SF3B3: variants seen among roughly 807,000 people sequenced by gnomAD.
SF3B3 encodes the protein splicing factor 3b subunit 3, also known as SAP 130.
A neutral mutation model predicts 139.2 loss-of-function variants in SF3B3; 33 were observed. The ratio of observed to expected loss-of-function variants is 0.24; its 90% CI spans 0.18 to 0.32. SF3B3 has a LOEUF of 0.32. Among genes scored for constraint, SF3B3 ranks in the 10% least tolerant of loss-of-function variants. The pLI is 1.00. For missense variants in SF3B3, 818 were observed against 1,509.4 expected (o/e 0.54, Z 7.59); for synonymous variants, 596 against 563.6 (o/e 1.06, Z -0.81).
rs1459379519 is a variant in SF3B3, at chr16:70,548,423, A to G, written c.1383A>G (p.Thr461=). The G allele has an allele frequency of 4.3e-6, 7 of 1,613,834 alleles. No individual in the cohort carries two copies. The Admixed American group carries it at 8.3e-5, about 19-fold the overall frequency. Reference sequence around the variant, plus strand: ...CTGGTAACCCCAACGCTGTCTGGACAGTGCGTCGACACATTGAAGGTAAGC... The same window carrying G: ...CTGGTAACCCCAACGCTGTCTGGACGGTGCGTCGACACATTGAAGGTAAGC... ...ELPGNPNAVW[T]VRRHIEDEFD... The change falls in exon 11 of 26, where the codon ACA becomes ACG. Residue 461 remains threonine, a synonymous_variant. Transcript: ENST00000302516.
rs9939550 is a variant in SF3B3 at position 70,528,488 on chromosome 16, T to A, written c.71-385T>A. On this transcript the variant is annotated intron_variant, in intron 2 of 25. Coordinates refer to ENST00000302516, the MANE Select transcript of SF3B3 (RefSeq NM_012426.5). ...CCTTTTTTTTTTTTTTTTTTTTTTT[T>A]AGAGACGATATCTTGCTGCGTTTCC... Among the ~76,000 whole-genome samples the A allele has an allele frequency of 5.3e-4, 63 of 118,716 alleles. 1 individual carries two copies. Among genetic ancestry groups the A allele is most frequent in the African/African-American group, 1.2e-3 (40 of 32,020 alleles). 77.9% of individuals were successfully genotyped at this position (118,716 alleles called of 152,430 possible). A position where few individuals can be genotyped will look rare whatever the true frequency, so the allele number is the denominator to read the frequency against.
chr16:70,538,977 C>T (rs2050194152), intron 7 of SF3B3, 127 bp from the exon 8 acceptor site: 2 of 703,758 alleles, frequency 2.8e-6, no homozygotes, highest in Non-Finnish European at 5.1e-6. Flanking sequence ...GGCCCATGAG[C>T]CGGAGTTTGT....
At chr16:70,534,015 C>G (rs553577451) in intron 5 of SF3B3, among the ~76,000 whole-genome samples, 4 of 152,270 alleles carry the variant, frequency 2.6e-5, no homozygotes, top group South Asian at 2.1e-4. Context: ...AAGATTGAGT[C>G]TGGTGGTGAA....
intron 4 of SF3B3, among the ~76,000 whole-genome samples, chr16:70,531,643 C>T (rs1197485753): frequency 6.6e-6 from 1 of 152,192 alleles, no homozygotes; most frequent in Non-Finnish European, 1.5e-5. Context: ...TACTGAAATT[C>T]TTTGGGATGC....
rs748902254 is a variant in SF3B3 at position 70,528,890 on chromosome 16, A to G, written c.88A>G (p.Ile30Val). 1 of 1,608,680 alleles carries G rather than the reference A, an allele frequency of 6.2e-7. No individual in the cohort carries two copies. The highest frequency in any genetic ancestry group is 1.1e-5 in the South Asian group (1 of 90,876). Residue 30 changes from isoleucine (I) to valine (V), a missense_variant, in exon 3 of 26, where the codon ATT (isoleucine) becomes GTT (valine). Coordinates refer to ENST00000302516, the MANE Select transcript of SF3B3 (RefSeq NM_012426.5). Reference protein sequence around the residue: ...GNFSGTKQQEIVVSRGKILEL... With the variant: ...GNFSGTKQQEVVVSRGKILEL... ...TGATCTAGGAACCAAACAACAAGAA[A>G]TTGTTGTTTCCCGTGGGAAGATCTT...
chr16:70,536,490 G>A (rs1288053066), intron 6 of SF3B3, among the ~76,000 whole-genome samples: 2 of 151,640 alleles, frequency 1.3e-5, no homozygotes, highest in Non-Finnish European at 1.5e-5. Flanking sequence ...TCAGCCTCTC[G>A]GGTAGCTGGG....
rs1418341422 is a variant in SF3B3 at position 70,532,509 on chromosome 16, G to A, written c.601G>A (p.Ala201Thr). The A allele has an allele frequency of 6.2e-7, 1 of 1,614,088 alleles. No homozygotes were observed. The highest frequency in any genetic ancestry group is 1.7e-5 in the Admixed American group (1 of 60,016). The change falls in exon 5 of 26, where the codon GCA becomes ACA. Residue 201 changes from alanine to threonine, a missense_variant. By Grantham distance (58) the Ala-to-Thr change is moderately conservative. Around this residue, in one of 14 missense-constraint regions of SF3B3, gnomAD observed 144 missense variants for 259.2 expected, o/e 0.56. Transcript: ENST00000302516. Reference sequence around the variant, plus strand: ...AGACAATGATCCAACAGGGGAAGCAGCAGCTAATACCCAGCAGACACTTAC... The same window carrying A: ...AGACAATGATCCAACAGGGGAAGCAACAGCTAATACCCAGCAGACACTTAC... ...EADNDPTGEA[A>T]ANTQQTLTFY...
At chr16:70,524,393 G>C (rs1463529390) in intron 1 of SF3B3, among the ~76,000 whole-genome samples, 1 of 152,210 alleles carries the variant, frequency 6.6e-6, no homozygotes, top group Non-Finnish European at 1.5e-5. Context: ...TCTCGTTTGC[G>C]TAATGGAGGA....
intron 9 of SF3B3, among the ~76,000 whole-genome samples, chr16:70,543,756 G>C (rs1203613112): frequency 6.6e-6 from 1 of 152,068 alleles, no homozygotes; most frequent in African/African-American, 2.4e-5. Context: ...AGTGTGTATA[G>C]CAGGGCTTCT....
chr16:70,526,770 A>G (rs768482428), intron 2 of SF3B3, 44 bp downstream of exon 2: 4 of 1,307,878 alleles, frequency 3.1e-6, no homozygotes, highest in South Asian at 2.4e-5. Flanking sequence ...AAGTGAATTA[A>G]TACATATCTT....
chr16:70,526,654 G>C lies in SF3B3; in HGVS notation c.-3G>C. 6.2e-7 allele frequency: 1 copy of C among 1,613,650 alleles called. No homozygotes were observed. Among genetic ancestry groups the C allele is most frequent in the Non-Finnish European group, 8.5e-7 (1 of 1,179,666 alleles). On this transcript the variant is annotated 5_prime_UTR_variant, in exon 2 of 26. Coordinates refer to ENST00000302516, the MANE Select transcript of SF3B3 (RefSeq NM_012426.5). ...GTCTGGGTGGCTCAGGTTTCCTGCA[G>C]CCATGTTTCTGTACAACTTAACCTT...
At chr16:70,551,299 A>T (rs1333689206) in intron 11 of SF3B3, among the ~76,000 whole-genome samples, 1 of 152,198 alleles carries the variant, frequency 6.6e-6, no homozygotes, top group Non-Finnish European at 1.5e-5. Context: ...TTGAGGTATG[A>T]ACTATTGTTT....
At position 70,567,408 on chromosome 16, in the gene SF3B3, T is replaced by G; in HGVS notation, c.2827-3T>G. On this transcript the variant is annotated splice_polypyrimidine_tract_variant and splice_region_variant and intron_variant, in intron 20 of 25. Transcript: ENST00000302516. ...AGCTGTATTACCTGCTTTTCCTCTATAGACTCCTGTGGAAGAGGTCCCTGC... is the reference window on the plus strand; with the variant it reads ...AGCTGTATTACCTGCTTTTCCTCTAGAGACTCCTGTGGAAGAGGTCCCTGC... The G allele has an allele frequency of 6.2e-7, 1 of 1,612,728 alleles. No homozygotes were observed. The highest frequency in any genetic ancestry group is 8.5e-7 in the Non-Finnish European group (1 of 1,179,492).
At chr16:70,530,721 A>T in intron 3 of SF3B3, 24 bp from the exon 4 acceptor site, 4 of 1,588,024 alleles carry the variant, frequency 2.5e-6, no homozygotes, top group Non-Finnish European at 3.4e-6. Context: ...GGAATCTTGT[A>T]TGTTTTATCT....
Position 70,575,115 on chromosome 16 carries a change from C to T in SF3B3, c.*3302C>T, listed in dbSNP as rs2050565188. 1.3e-5 allele frequency: 2 copies of T among 151,736 alleles called. No individual in the cohort carries two copies. The highest frequency in any genetic ancestry group is 4.8e-5 in the African/African-American group (2 of 41,290). The allele number at this position is 151,736 out of a possible 1,614,324, so 9.4% of individuals were successfully genotyped here. ...TGAAGTTCAGGTGAACTGAAATGGGCAGGTGTAGGCTACACACCAGTCTGA... is the reference window on the plus strand; with the variant it reads ...TGAAGTTCAGGTGAACTGAAATGGGTAGGTGTAGGCTACACACCAGTCTGA... On this transcript the variant is annotated 3_prime_UTR_variant, in exon 26 of 26. Transcript: ENST00000302516.
At chr16:70,544,584 C>T (rs2050250702) in intron 10 of SF3B3, 51 bp downstream of exon 10, 1 of 1,039,120 alleles carries the variant, frequency 9.6e-7, no homozygotes. Flanking sequence ...GAAGCACTGA[C>T]AAAGTAGTTT....
intron 24 of SF3B3, 91 bp downstream of exon 24, chr16:70,570,240 A>G (rs1403929405): frequency 8.2e-7 from 1 of 1,221,538 alleles, no homozygotes; most frequent in African/African-American, 1.5e-5. Flanking sequence ...TTGTCCCCAC[A>G]TATAATTAAT....
At chr16:70,561,528 C>A in intron 16 of SF3B3, 102 bp from the exon 17 acceptor site, 1 of 934,908 alleles carries the variant, frequency 1.1e-6, no homozygotes, top group Non-Finnish European at 1.7e-6. Flanking sequence ...TCTTAGGATA[C>A]TCTGCAGACT....
At position 70,563,897 on chromosome 16, in the gene SF3B3, C is replaced by T. The variant is rs1047559313; in HGVS notation, c.2310C>T (p.Leu770=). Residue 770 remains leucine, a synonymous_variant, in exon 18 of 26, where the codon CTC becomes CTT. Coordinates refer to ENST00000302516, the MANE Select transcript of SF3B3 (RefSeq NM_012426.5). ...ATAGGATTTTGGCATTAGAGAAGCTCGGTGCTGTCTTCAATCAAGTAGCCT... is the reference window on the plus strand; with the variant it reads ...ATAGGATTTTGGCATTAGAGAAGCTTGGTGCTGTCTTCAATCAAGTAGCCT... The part of the protein sequence containing the change: ...NTLRILALEK[L]GAVFNQVAFP... 13 of 1,613,886 alleles carry T rather than the reference C, an allele frequency of 8.1e-6. No individual in the cohort carries two copies. The East Asian group carries it at 1.6e-4, about 19-fold the overall frequency.
Sources: gnomAD v4.1 joint callset for allele counts (sites outside exome capture counted in the v4.1 genomes callset) on GRCh38, gnomAD v4.1.1 for gene constraint, gnomAD v4.1.1 regional missense constraint, MANE v1.5 for transcripts, NCBI Gene and HGNC (gene_info 2026-07-23, HGNC 2026-07-21) for gene names.